MAGI3: variants seen among roughly 807,000 people sequenced by gnomAD.
The protein encoded by MAGI3 is membrane associated guanylate kinase, WW and PDZ domain containing 3.
Under a neutral mutation model 121.8 loss-of-function variants are expected in MAGI3, and 43 were observed. The observed-to-expected ratio is 0.35, with a 90% CI of 0.28 to 0.46. The LOEUF is 0.46. Ranked by LOEUF, MAGI3 falls within the 20% of genes least tolerant of loss-of-function variation. The probability of loss-of-function intolerance (pLI) is 1.00; values close to 1 mark genes in which losing one functional copy is unlikely to be tolerated. For synonymous variants in MAGI3, 553 were observed against 639.3 expected (o/e 0.86, Z 2.04); for missense variants, 1,547 against 1,797.3 (o/e 0.86, Z 2.52).
At chr1:113,621,939 T>G (rs745976037) in intron 8 of MAGI3, among the ~76,000 whole-genome samples, 1 of 152,028 alleles carries the variant, frequency 6.6e-6, no homozygotes, top group Non-Finnish European at 1.5e-5. Flanking sequence ...TTCCTAAGGC[T>G]AGGATATGGA....
intron 2 of MAGI3, among the ~76,000 whole-genome samples, chr1:113,578,512 C>G (rs1647800096): frequency 6.6e-6 from 1 of 152,020 alleles, no homozygotes; most frequent in African/African-American, 2.4e-5. Flanking sequence ...CCTTCAACTC[C>G]TGGTCTCAAA....
chr1:113,561,845 TCTC>T lies in MAGI3; in HGVS notation c.433+12217_433+12219del, dbSNP rs1303776263. Among the ~76,000 whole-genome samples, 8 of 152,292 alleles carry T rather than the reference TCTC, an allele frequency of 5.3e-5. No homozygotes were observed. In the East Asian group the frequency reaches 1.4e-3, roughly 26 times the overall value. On this transcript the variant is annotated intron_variant, in intron 2 of 20. Coordinates refer to ENST00000307546, the MANE Select transcript of MAGI3 (RefSeq NM_001142782.2). ...CTATCCCTGTTTGCCGATGACATGA[TCTC>T]CTATATCTAGAAAATTCCACCGTTT...
In MAGI3 at chr1:113,416,161, T is replaced by TTATTATGTAATTAATGACACA. The variant is rs1557744004; in HGVS notation, c.316+24818_316+24838dup. Among the ~76,000 whole-genome samples, 431 of 105,990 alleles carry TTATTATGTAATTAATGACACA rather than the reference T, an allele frequency of 4.1e-3. 36 individuals carry two copies. Among genetic ancestry groups the TTATTATGTAATTAATGACACA allele is most frequent in the African/African-American group, 0.012 (416 of 34,306 alleles). The allele number at this position is 105,990 out of a possible 152,430, so 69.5% of individuals were successfully genotyped here. On this transcript the variant is annotated intron_variant, in intron 1 of 20. Transcript: ENST00000307546. ...TTAATTATGTAATTAATGACACATA[T>TTATTATGTAATTAATGACACA]TATTATGTAATTAATGACACATATT...
intron 6 of MAGI3, among the ~76,000 whole-genome samples, chr1:113,599,493 C>T (rs1205983065): frequency 2.0e-5 from 3 of 152,026 alleles, no homozygotes; most frequent in Non-Finnish European, 4.4e-5. Flanking sequence ...AATTCCTCGA[C>T]ACATACACCC....
intron 1 of MAGI3, among the ~76,000 whole-genome samples, chr1:113,421,606 CCCTA>C (rs1652736850): frequency 6.6e-6 from 1 of 152,130 alleles, no homozygotes; most frequent in Non-Finnish European, 1.5e-5. Context: ...ATGAATTATT[CCCTA>C]CCTTTCTTCA....
rs1295056096 is a variant in MAGI3, at chr1:113,391,771, A to G, written c.316+422A>G. 1.3e-5 allele frequency among the ~76,000 whole-genome samples: 2 copies of G among 152,222 alleles called. No individual in the cohort carries two copies. Among genetic ancestry groups the G allele is most frequent in the African/African-American group, 4.8e-5 (2 of 41,458 alleles). ...GAAAAAGGGACTTTACTATAGAGGC[A>G]CTTGGTGCCAAGGTTACCACCTGGT... On this transcript the variant is annotated intron_variant, in intron 1 of 20. Coordinates refer to ENST00000307546, the MANE Select transcript of MAGI3 (RefSeq NM_001142782.2). This position sits in a 1 kb window ranked among gnomAD's most constrained non-coding sequence, Gnocchi z 4.4.
chr1:113,457,500 T>C (rs1162637268), intron 1 of MAGI3, among the ~76,000 whole-genome samples: 1 of 152,178 alleles, frequency 6.6e-6, no homozygotes, highest in Non-Finnish European at 1.5e-5. Context: ...GGTCATGTGC[T>C]GCCCCGTACA....
chr1:113,507,423 G>T lies in MAGI3; in HGVS notation c.317-42092G>T, dbSNP rs535044735. On this transcript the variant is annotated intron_variant, in intron 1 of 20. Transcript: ENST00000307546. ...CTGTTTTACATGGTATTGAAAAACGGTAAGCAGAAGGTTTGAGGGAATAGA... is the reference window on the plus strand; with the variant it reads ...CTGTTTTACATGGTATTGAAAAACGTTAAGCAGAAGGTTTGAGGGAATAGA... Among the ~76,000 whole-genome samples the T allele has an allele frequency of 3.3e-5, 5 of 152,258 alleles. No individual in the cohort carries two copies. In the East Asian group the frequency reaches 9.7e-4, roughly 29 times the overall value.
At chr1:113,649,134 G>C in intron 12 of MAGI3, 103 bp from the exon 13 acceptor site, 1 of 759,414 alleles carries the variant, frequency 1.3e-6, no homozygotes, top group Non-Finnish European at 2.0e-6. Context: ...TGAGATTATA[G>C]TTTATTGAGT....
intron 16 of MAGI3, among the ~76,000 whole-genome samples, chr1:113,669,255 G>T (rs867332946): frequency 6.6e-5 from 10 of 152,324 alleles, no homozygotes; most frequent in Middle Eastern, 6.8e-3. Context: ...AAATGTGGAA[G>T]AACTTATGGA....
chr1:113,472,201 C>A (rs1655568387), intron 1 of MAGI3, among the ~76,000 whole-genome samples: 1 of 148,338 alleles, frequency 6.7e-6, no homozygotes, highest in African/African-American at 2.5e-5. Context: ...ATAGATAGAT[C>A]TTGTTTTTTT....
Position 113,549,579 on chromosome 1 carries a change from C to T in MAGI3, c.381C>T (p.Asp127=), listed in dbSNP as rs372413680. Residue 127 remains aspartate, a synonymous_variant, in exon 2 of 21, where the codon GAC becomes GAT. Coordinates refer to ENST00000307546, the MANE Select transcript of MAGI3 (RefSeq NM_001142782.2). The part of the protein sequence containing the change: ...LSLQFQKGSI[D]HKLQQVIRDN... ...TTCAGTTTCAAAAAGGATCAATTGA[C>T]CACAAACTGCAGCAAGTGATCAGAG... The T allele has an allele frequency of 8.7e-6, 14 of 1,609,064 alleles. 1 individual carries two copies. Among genetic ancestry groups the T allele is most frequent in the Middle Eastern group, 1.7e-4 (1 of 6,060 alleles).
intron 1 of MAGI3, among the ~76,000 whole-genome samples, chr1:113,540,641 G>C (rs1273853322): frequency 6.6e-6 from 1 of 152,110 alleles, no homozygotes; most frequent in Non-Finnish European, 1.5e-5. Context: ...TGACAGACTG[G>C]TGTAGTTGCC....
chr1:113,622,985 A>C lies in MAGI3; in HGVS notation c.1351A>C (p.Ile451Leu). 1 of 1,514,698 alleles carries C rather than the reference A, an allele frequency of 6.6e-7. No individual in the cohort carries two copies. Among genetic ancestry groups the C allele is most frequent in the Non-Finnish European group, 8.8e-7 (1 of 1,140,244 alleles). 93.8% of individuals were successfully genotyped at this position (1,514,698 alleles called of 1,614,324 possible). The part of the protein sequence containing the change: ...KDGPAAQDGK[I>L]APGDVIVDIN... ...TGGTCCCGCAGCTCAGGATGGGAAA[A>C]TTGCACCAGGTAAGAAATTTTTCAT... The change falls in exon 9 of 21, where the codon ATT becomes CTT. Residue 451 changes from isoleucine to leucine, a missense_variant. Physicochemically the swap from Ile to Leu is conservative, Grantham distance 5. Coordinates refer to ENST00000307546, the MANE Select transcript of MAGI3 (RefSeq NM_001142782.2).
chr1:113,471,758 A>G (rs138198559), intron 1 of MAGI3, among the ~76,000 whole-genome samples: 1 of 152,304 alleles, frequency 6.6e-6, no homozygotes, highest in African/African-American at 2.4e-5. Context: ...TTAGTAATGT[A>G]TTACAATGTC....
intron 1 of MAGI3, among the ~76,000 whole-genome samples, chr1:113,532,956 A>T (rs1658794884): frequency 6.6e-6 from 1 of 152,224 alleles, no homozygotes; most frequent in Non-Finnish European, 1.5e-5. Context: ...AGAAAGCAGT[A>T]ACTTCTGACA....
At chr1:113,557,362 G>A (rs936674267) in intron 2 of MAGI3, among the ~76,000 whole-genome samples, 4 of 151,572 alleles carry the variant, frequency 2.6e-5, no homozygotes, top group Admixed American at 6.6e-5. Flanking sequence ...TGACTCAACT[G>A]TTCCAGCCTG....
chr1:113,494,179 G>A (rs184053492), intron 1 of MAGI3, among the ~76,000 whole-genome samples: 1 of 152,094 alleles, frequency 6.6e-6, no homozygotes, highest in East Asian at 1.9e-4. Flanking sequence ...CATTCTAAGC[G>A]GCCATCAAGA....
intron 2 of MAGI3, among the ~76,000 whole-genome samples, chr1:113,569,666 G>A (rs1418982757): frequency 6.6e-6 from 1 of 152,052 alleles, no homozygotes; most frequent in Non-Finnish European, 1.5e-5. Context: ...ATGGATCACA[G>A]TACTTCATCA....
Sources: gnomAD v4.1 joint callset for allele counts (sites outside exome capture counted in the v4.1 genomes callset) on GRCh38, gnomAD v4.1.1 for gene constraint, Gnocchi (gnomAD v3.1) non-coding constraint, MANE v1.5 for transcripts, NCBI Gene and HGNC (gene_info 2026-07-23, HGNC 2026-07-21) for gene names.